The following PEX7 variants were observed in gnomAD, a reference collection of about 807,000 sequenced individuals.
PEX7 encodes the protein peroxisomal biogenesis factor 7.
In PEX7, 34 loss-of-function variants were observed where a neutral mutation model predicts 47.5. The observed-to-expected ratio is 0.72, with a 90% confidence interval of 0.54 to 0.95. The LOEUF is 0.95. Ranked by LOEUF, PEX7 falls within the 40% of genes least tolerant of loss-of-function variation. The probability of loss-of-function intolerance (pLI) is 0.00; values close to 1 mark genes in which losing one functional copy is unlikely to be tolerated. For synonymous variants in PEX7, 141 were observed against 148.8 expected (o/e 0.95, Z 0.38); for missense variants, 394 against 400.3 (o/e 0.98, Z 0.13).
intron 5 of PEX7, among the ~76,000 whole-genome samples, chr6:136,858,081 T>C (rs1283582612): frequency 6.6e-6 from 1 of 152,220 alleles, no homozygotes; most frequent in African/African-American, 2.4e-5. Context: ...CCTCCCAAAG[T>C]GCTGGGATTA....
intron 9 of PEX7, among the ~76,000 whole-genome samples, chr6:136,902,739 A>G (rs1416538895): frequency 6.6e-6 from 1 of 152,196 alleles, no homozygotes; most frequent in Non-Finnish European, 1.5e-5. Flanking sequence ...ATATTAGTTT[A>G]GAATTCCTGA....
chr6:136,847,989 T>C (rs377482901), intron 5 of PEX7, among the ~76,000 whole-genome samples: 2 of 152,206 alleles, frequency 1.3e-5, no homozygotes, highest in Admixed American at 1.3e-4. Context: ...ATAGAATGTT[T>C]TTCCATTTGT....
intron 3 of PEX7, among the ~76,000 whole-genome samples, chr6:136,838,094 C>A (rs886783294): frequency 6.6e-5 from 10 of 152,138 alleles, no homozygotes; most frequent in Admixed American, 5.9e-4. Context: ...ATTAGAAAAT[C>A]ACTATTTAGT....
chr6:136,860,783 G>A (rs1430951582), intron 5 of PEX7, among the ~76,000 whole-genome samples: 2 of 151,838 alleles, frequency 1.3e-5, no homozygotes, highest in South Asian at 2.1e-4. Flanking sequence ...CATAATCTTA[G>A]TATACAATTT....
intron 9 of PEX7, among the ~76,000 whole-genome samples, chr6:136,899,952 T>C (rs1439812788): frequency 6.6e-6 from 1 of 152,206 alleles, no homozygotes; most frequent in African/African-American, 2.4e-5. Context: ...AAAGTTACAG[T>C]GTACATACTG....
chr6:136,860,777 A>G (rs1774947346), intron 5 of PEX7, among the ~76,000 whole-genome samples: 1 of 152,090 alleles, frequency 6.6e-6, no homozygotes, highest in African/African-American at 2.4e-5. Context: ...ACAGTGCATA[A>G]TCTTAGTATA....
chr6:136,855,376 G>A (rs923544488), intron 5 of PEX7, among the ~76,000 whole-genome samples: 12 of 132,142 alleles, frequency 9.1e-5, no homozygotes, highest in African/African-American at 3.3e-4. Flanking sequence ...CGGAGTCTCT[G>A]TCCCCCAGGC....
At chr6:136,892,494 A>G (rs566706390) in intron 8 of PEX7, among the ~76,000 whole-genome samples, 2 of 152,352 alleles carry the variant, frequency 1.3e-5, no homozygotes, top group South Asian at 2.1e-4. Context: ...TATTAGCTCT[A>G]TAACCATGGA....
rs1291915942 is a variant in PEX7 at position 136,826,384 on chromosome 6, C to T, written c.254C>T (p.Thr85Ile). 6.2e-7 allele frequency: 1 copy of T among 1,613,900 alleles called. No homozygotes were observed. ...GAGAACAACGAACATGTCCTCATCA[C>T]CTGTAGTGGCGATGGCTCGCTGCAG... is the stretch of plus-strand genomic sequence containing the variant. ...WSENNEHVLI[T>I]CSGDGSLQLW... Residue 85 changes from threonine to isoleucine, a missense_variant, in exon 3 of 10, where the codon ACC (threonine) becomes ATC (isoleucine). By Grantham distance (89) the Thr-to-Ile change is moderately conservative. Coordinates refer to ENST00000318471, the MANE Select transcript of PEX7 (RefSeq NM_000288.4).
At chr6:136,884,806 A>G (rs1318837605) in intron 8 of PEX7, among the ~76,000 whole-genome samples, 2 of 152,190 alleles carry the variant, frequency 1.3e-5, no homozygotes, top group Non-Finnish European at 2.9e-5. Context: ...TATGAAGAAT[A>G]TCAGAACTCC....
chr6:136,880,961 A>G (rs1215230290), intron 8 of PEX7, among the ~76,000 whole-genome samples: 1 of 152,216 alleles, frequency 6.6e-6, no homozygotes, highest in African/African-American at 2.4e-5. Flanking sequence ...ATATAAAATA[A>G]TAAGTAGTGA....
In PEX7 at chr6:136,900,333, A is replaced by G. The variant is rs1001710853; in HGVS notation, c.903+2092A>G. On this transcript the variant is annotated intron_variant, in intron 9 of 9. Transcript: ENST00000318471. This position sits in a 1 kb window ranked among gnomAD's most constrained non-coding sequence, Gnocchi z 4.2. ...ATATATTTTTCAAAGGATAATTTGTATTATTTTAATTATTTTTATGTACAG... is the reference window on the plus strand; with the variant it reads ...ATATATTTTTCAAAGGATAATTTGTGTTATTTTAATTATTTTTATGTACAG... The G allele has an allele frequency of 5.1e-6, 1 of 194,614 alleles. No homozygotes were observed. Among genetic ancestry groups the G allele is most frequent in the Non-Finnish European group, 1.1e-5 (1 of 92,358 alleles). 12.1% of individuals were successfully genotyped at this position (194,614 alleles called of 1,614,324 possible).
chr6:136,895,728 A>G (rs1286538663), intron 8 of PEX7, among the ~76,000 whole-genome samples: 1 of 152,214 alleles, frequency 6.6e-6, no homozygotes, highest in African/African-American at 2.4e-5. Context: ...CATAATGTAT[A>G]CACTTGGTAT....
chr6:136,912,060 G>A (rs988797412), intron 9 of PEX7, among the ~76,000 whole-genome samples: 1 of 152,002 alleles, frequency 6.6e-6, no homozygotes, highest in Admixed American at 6.6e-5. Flanking sequence ...ACTTTTTTAT[G>A]TGCTTACTTT....
chr6:136,911,240 A>G (rs896472253), intron 9 of PEX7, among the ~76,000 whole-genome samples: 1 of 151,968 alleles, frequency 6.6e-6, no homozygotes, highest in Non-Finnish European at 1.5e-5. Flanking sequence ...TTAGAATTCT[A>G]TAAGGAACTC....
chr6:136,842,611 A>G (rs1318223855), intron 3 of PEX7, among the ~76,000 whole-genome samples: 2 of 152,168 alleles, frequency 1.3e-5, no homozygotes, highest in Non-Finnish European at 2.9e-5. Context: ...CTCTGTACCT[A>G]CCTAGCAGTG....
At chr6:136,824,110 A>G (rs149286347) in intron 1 of PEX7, among the ~76,000 whole-genome samples, 47 of 152,376 alleles carry the variant, frequency 3.1e-4, no homozygotes, top group Middle Eastern at 3.4e-3. Flanking sequence ...TTTCATTATT[A>G]GCTCTTAGTG....
intron 8 of PEX7, among the ~76,000 whole-genome samples, chr6:136,895,197 T>C (rs1380958503): frequency 1.3e-5 from 2 of 152,290 alleles, no homozygotes; most frequent in South Asian, 4.1e-4. Flanking sequence ...CTCATTAAAC[T>C]GTTAACAATG....
chr6:136,864,263 T>C (rs1775018064), intron 5 of PEX7, among the ~76,000 whole-genome samples: 1 of 152,080 alleles, frequency 6.6e-6, no homozygotes, highest in African/African-American at 2.4e-5. Context: ...TTATTCATGT[T>C]GTTATTATTG....
Sources: gnomAD v4.1 joint callset for allele counts (sites outside exome capture counted in the v4.1 genomes callset) on GRCh38, gnomAD v4.1.1 for gene constraint, Gnocchi (gnomAD v3.1) non-coding constraint, MANE v1.5 for transcripts, NCBI Gene and HGNC (gene_info 2026-07-23, HGNC 2026-07-21) for gene names.